PLA2G2C: variants seen among roughly 807,000 people sequenced by gnomAD.
PLA2G2C encodes phospholipase A2 group IIC.
PLA2G2C carries 15 observed loss-of-function variants against 14.3 expected under a neutral mutation model. The observed-to-expected ratio is 1.05, with a 90% CI of 0.70 to 1.62. PLA2G2C has a LOEUF of 1.62. PLA2G2C is among the 40% of genes most tolerant of loss of function. The pLI, the probability that PLA2G2C is intolerant of heterozygous loss-of-function variation, is 0.00. For synonymous variants in PLA2G2C, 79 were observed against 67.7 expected (o/e 1.17, Z -0.82); for missense variants, 162 against 173.2 (o/e 0.94, Z 0.36).
intron 3 of PLA2G2C, among the ~76,000 whole-genome samples, chr1:20,174,660 C>G (rs974621667): frequency 6.6e-6 from 1 of 152,180 alleles, no homozygotes; most frequent in African/African-American, 2.4e-5. Context: ...ACATGAGGCC[C>G]TTTATTAAGA....
At chr1:20,172,658 G>A (rs955869535) in intron 4 of PLA2G2C, 136 bp downstream of exon 4, 2 of 755,766 alleles carry the variant, frequency 2.6e-6, no homozygotes, top group Admixed American at 2.8e-5. Context: ...GGAGCATCAG[G>A]AGAAAGCTCA....
rs2018396153 is a variant in PLA2G2C, at chr1:20,186,502, A to T, written c.-219T>A. The T allele has an allele frequency of 6.6e-6, 1 of 152,350 alleles. No individual in the cohort carries two copies. The highest frequency in any genetic ancestry group is 2.4e-5 in the African/African-American group (1 of 41,468). 9.4% of individuals were successfully genotyped at this position (152,350 alleles called of 1,614,324 possible). On this transcript the variant is annotated 5_prime_UTR_variant, in exon 1 of 5. Coordinates refer to ENST00000679259, the MANE Select transcript of PLA2G2C (RefSeq NM_001367969.2). ...AGGATGTCCCAGTCTCCGGCAGGGCAGAGACGAGAACCAGAGGGCCCCTCC... is the reference window on the plus strand; with the variant it reads ...AGGATGTCCCAGTCTCCGGCAGGGCTGAGACGAGAACCAGAGGGCCCCTCC...
At chr1:20,169,498 C>T (rs1406490691) in intron 4 of PLA2G2C, among the ~76,000 whole-genome samples, 2 of 152,114 alleles carry the variant, frequency 1.3e-5, no homozygotes, top group East Asian at 3.9e-4. Flanking sequence ...GGTTTTATTC[C>T]ATAAGGGGTT....
chr1:20,176,431 C>A (rs2018184716), intron 2 of PLA2G2C, among the ~76,000 whole-genome samples: 1 of 152,108 alleles, frequency 6.6e-6, no homozygotes. Flanking sequence ...AATAAAAATA[C>A]AACAAAGACA....
Position 20,163,397 on chromosome 1 carries a change from C to T in PLA2G2C, c.*594G>A, listed in dbSNP as rs1166147286. The T allele has an allele frequency of 6.6e-6, 1 of 152,370 alleles. No homozygotes were observed. Among genetic ancestry groups the T allele is most frequent in the African/African-American group, 2.4e-5 (1 of 41,450 alleles). 9.4% of individuals were successfully genotyped at this position (152,370 alleles called of 1,614,324 possible). On this transcript the variant is annotated 3_prime_UTR_variant, in exon 5 of 5. Coordinates refer to ENST00000679259, the MANE Select transcript of PLA2G2C (RefSeq NM_001367969.2). ...CTATTGACCAAACTAAGCCACAAGA[C>T]CAGTTCAGATTCATGGGATGGGGAA...
At chr1:20,165,947 C>T (rs1360418887) in intron 4 of PLA2G2C, among the ~76,000 whole-genome samples, 1 of 152,206 alleles carries the variant, frequency 6.6e-6, no homozygotes, top group Non-Finnish European at 1.5e-5. Context: ...GGTTTATGAC[C>T]TTGGGCAAGT....
intron 1 of PLA2G2C, among the ~76,000 whole-genome samples, chr1:20,177,805 C>T (rs1444864069): frequency 6.6e-6 from 1 of 152,156 alleles, no homozygotes; most frequent in Non-Finnish European, 1.5e-5. Context: ...GCTTGGTTTG[C>T]ATCTAGTCCC....
At position 20,163,769 on chromosome 1, in the gene PLA2G2C, G is replaced by A; in HGVS notation, c.*222C>T. The A allele has an allele frequency of 7.4e-6, 4 of 542,904 alleles. No individual in the cohort carries two copies. The highest frequency in any genetic ancestry group is 1.3e-5 in the Non-Finnish European group (4 of 309,062). 33.6% of individuals were successfully genotyped at this position (542,904 alleles called of 1,614,324 possible). On this transcript the variant is annotated 3_prime_UTR_variant, in exon 5 of 5. Transcript: ENST00000679259. ...TCCACAGAATGCCAGCTCCTGCAGGGCAGGCATCTCATCTTTCCCATTTCT... is the reference window on the plus strand; with the variant it reads ...TCCACAGAATGCCAGCTCCTGCAGGACAGGCATCTCATCTTTCCCATTTCT...
intron 1 of PLA2G2C, among the ~76,000 whole-genome samples, chr1:20,178,310 G>A (rs1443258604): frequency 2.0e-5 from 3 of 152,170 alleles, no homozygotes; most frequent in African/African-American, 7.2e-5. Flanking sequence ...GCTAAATCTG[G>A]TAACGTCAGG....
chr1:20,166,149 A>C (rs1001962963), intron 4 of PLA2G2C, among the ~76,000 whole-genome samples: 14 of 152,194 alleles, frequency 9.2e-5, no homozygotes, highest in African/African-American at 3.1e-4. Flanking sequence ...CTCCAGCTCC[A>C]CGTGGAGAAA....
chr1:20,179,855 G>A (rs1363166040), intron 1 of PLA2G2C, among the ~76,000 whole-genome samples: 1 of 148,642 alleles, frequency 6.7e-6, no homozygotes, highest in Non-Finnish European at 1.5e-5. Flanking sequence ...CTTCTCCCTT[G>A]TGTGTCAGCT....
intron 1 of PLA2G2C, among the ~76,000 whole-genome samples, chr1:20,179,975 TCTCTGTG>T (rs2018255862): frequency 2.0e-5 from 3 of 151,816 alleles, no homozygotes; most frequent in Non-Finnish European, 4.4e-5. Flanking sequence ...TGTCAGTTTC[TCTCTGTG>T]TGTGTGTTAG....
At chr1:20,184,611 G>A (rs1037642641) in intron 1 of PLA2G2C, 1 of 152,276 alleles carries the variant, frequency 6.6e-6, no homozygotes, top group Non-Finnish European at 1.5e-5. Context: ...ACGACCCATG[G>A]AGGAGCAATT....
chr1:20,183,348 T>C (rs989502859), intron 1 of PLA2G2C, among the ~76,000 whole-genome samples: 5 of 152,088 alleles, frequency 3.3e-5, no homozygotes, highest in African/African-American at 1.2e-4. Flanking sequence ...CCACGACCAG[T>C]GCAACGGACA....
At chr1:20,170,727 G>T (rs1317432877) in intron 4 of PLA2G2C, among the ~76,000 whole-genome samples, 1 of 95,598 alleles carries the variant, frequency 1.0e-5, no homozygotes, top group Non-Finnish European at 2.2e-5. Flanking sequence ...TGGTACTGAT[G>T]CGGAAGCCTC....
chr1:20,177,263 T>C, intron 2 of PLA2G2C, 61 bp downstream of exon 2: 1 of 700,024 alleles, frequency 1.4e-6, no homozygotes, highest in Non-Finnish European at 2.6e-6. Context: ...GAGTCCCCCC[T>C]CCCACTGACA....
In PLA2G2C at chr1:20,163,843, A is replaced by C; in HGVS notation, c.*148T>G. 1.1e-6 allele frequency: 1 copy of C among 879,724 alleles called. No homozygotes were observed. The highest frequency in any genetic ancestry group is 1.7e-6 in the Non-Finnish European group (1 of 594,970). 54.5% of individuals were successfully genotyped at this position (879,724 alleles called of 1,614,324 possible). A position where few individuals can be genotyped will look rare whatever the true frequency, so the allele number is the denominator to read the frequency against. On this transcript the variant is annotated 3_prime_UTR_variant, in exon 5 of 5. Coordinates refer to ENST00000679259, the MANE Select transcript of PLA2G2C (RefSeq NM_001367969.2). Reference sequence around the variant, plus strand: ...ACGACAGGGAGTCCCCTTGGTCAGAATGCTGAAGGGTGAGCTGCCCTGCGG... The same window carrying C: ...ACGACAGGGAGTCCCCTTGGTCAGACTGCTGAAGGGTGAGCTGCCCTGCGG...
At chr1:20,172,690 T>G in intron 4 of PLA2G2C, 104 bp downstream of exon 4, 1 of 1,017,360 alleles carries the variant, frequency 9.8e-7, no homozygotes, top group Non-Finnish European at 1.4e-6. Flanking sequence ...TTCCAAGCAC[T>G]TGGAAGCATT....
intron 4 of PLA2G2C, 46 bp from the exon 5 acceptor site, chr1:20,164,203 G>A (rs780347810): frequency 3.8e-6 from 6 of 1,579,246 alleles, no homozygotes; most frequent in Non-Finnish European, 5.2e-6. Flanking sequence ...CCCAGCCCCA[G>A]GGTTTGGTTC....
Sources: gnomAD v4.1 joint callset for allele counts (sites outside exome capture counted in the v4.1 genomes callset) on GRCh38, gnomAD v4.1.1 for gene constraint, MANE v1.5 for transcripts, NCBI Gene and HGNC (gene_info 2026-07-23, HGNC 2026-07-21) for gene names.